PDE4B: variants seen among roughly 807,000 people sequenced by gnomAD.
The protein encoded by PDE4B is phosphodiesterase 4B, also known as 3',5'-cyclic-AMP phosphodiesterase 4B.
PDE4B carries 20 observed loss-of-function variants against 82.2 expected under a neutral mutation model. The ratio of observed to expected loss-of-function variants is 0.24; its 90% CI spans 0.17 to 0.35. PDE4B has a LOEUF of 0.35. PDE4B is among the 10% of genes least tolerant of loss of function. The pLI, the probability that PDE4B is intolerant of heterozygous loss-of-function variation, is 1.00. For synonymous variants in PDE4B, 320 were observed against 318.9 expected, an observed-to-expected ratio of 1.00 and a Z score of -0.04; for missense variants, 655 against 907.2, an observed-to-expected ratio of 0.72 and a Z score of 3.57.
At chr1:66,315,498 C>T (rs1405124872) in intron 7 of PDE4B, among the ~76,000 whole-genome samples, 1 of 152,184 alleles carries the variant, frequency 6.6e-6, no homozygotes, top group African/African-American at 2.4e-5. Flanking sequence ...CTCTGTCACC[C>T]AGGCTGGAGT....
At chr1:65,924,220 G>A (rs987101764) in intron 3 of PDE4B, among the ~76,000 whole-genome samples, 2 of 143,828 alleles carry the variant, frequency 1.4e-5, no homozygotes, top group Admixed American at 1.4e-4. Context: ...GACTACAGGC[G>A]CCCGCCACTA....
intron 8 of PDE4B, among the ~76,000 whole-genome samples, chr1:66,337,247 C>A (rs1402209207): frequency 6.6e-6 from 1 of 152,166 alleles, no homozygotes; most frequent in African/African-American, 2.4e-5. Context: ...AATCAGAGGG[C>A]CTTAGCCTGG....
At chr1:66,107,245 G>A (rs1206710127) in intron 3 of PDE4B, among the ~76,000 whole-genome samples, 1 of 152,044 alleles carries the variant, frequency 6.6e-6, no homozygotes, top group Non-Finnish European at 1.5e-5. Context: ...TAGTTGAGCG[G>A]TTTTGAGTGA....
chr1:66,021,378 T>A (rs1653097743), intron 3 of PDE4B, among the ~76,000 whole-genome samples: 1 of 152,248 alleles, frequency 6.6e-6, no homozygotes, highest in Non-Finnish European at 1.5e-5. Flanking sequence ...GTTTTAGTCA[T>A]GAAGTCCTTG....
chr1:65,796,571 T>G (rs567980008), intron 1 of PDE4B, among the ~76,000 whole-genome samples: 1 of 152,230 alleles, frequency 6.6e-6, no homozygotes, highest in Admixed American at 6.5e-5. Context: ...TGGTTCTTTT[T>G]GCAGCTTATG....
intron 3 of PDE4B, among the ~76,000 whole-genome samples, chr1:66,198,831 A>G (rs55821051): frequency 0.029 from 4,379 of 151,554 alleles, 208 homozygotes; most frequent in African/African-American, 0.1. Context: ...TCGTTGTTCA[A>G]TTCCCACCTA....
intron 1 of PDE4B, among the ~76,000 whole-genome samples, chr1:65,797,162 G>A (rs1428474301): frequency 6.6e-6 from 1 of 151,700 alleles, no homozygotes; most frequent in East Asian, 1.9e-4. Context: ...CACCATGTTA[G>A]CCAGGATGGT....
At chr1:65,944,609 A>G (rs1350166268) in intron 3 of PDE4B, among the ~76,000 whole-genome samples, 1 of 152,048 alleles carries the variant, frequency 6.6e-6, no homozygotes, top group Non-Finnish European at 1.5e-5. Context: ...TGAGAAAAGG[A>G]CAACATTTGA....
intron 3 of PDE4B, among the ~76,000 whole-genome samples, chr1:66,185,603 A>T (rs1557617095): frequency 6.6e-6 from 1 of 151,988 alleles, no homozygotes; most frequent in Non-Finnish European, 1.5e-5. Context: ...GATGATGAGC[A>T]TTTTTTCATG....
intron 3 of PDE4B, among the ~76,000 whole-genome samples, chr1:66,048,262 C>T (rs1394679353): frequency 6.6e-6 from 1 of 151,852 alleles, no homozygotes; most frequent in African/African-American, 2.4e-5. Context: ...TTTCCTTTTG[C>T]ACCACCCCCA....
At chr1:66,367,647 C>A in intron 13 of PDE4B, 49 bp from the exon 14 acceptor site, 1 of 1,477,598 alleles carries the variant, frequency 6.8e-7, no homozygotes, top group Non-Finnish European at 9.3e-7. Context: ...TGCCAACATT[C>A]AAATCATATC....
intron 1 of PDE4B, among the ~76,000 whole-genome samples, chr1:65,889,770 C>A (rs1190179052): frequency 6.6e-6 from 1 of 152,058 alleles, no homozygotes; most frequent in African/African-American, 2.4e-5. Context: ...CTACATTGTA[C>A]CTTTGCTAAC....
chr1:66,190,198 T>G (rs1310744499), intron 3 of PDE4B, among the ~76,000 whole-genome samples: 1 of 152,170 alleles, frequency 6.6e-6, no homozygotes, highest in Non-Finnish European at 1.5e-5. Flanking sequence ...TCTGGAAGTT[T>G]TGTCTCAGAG....
intron 3 of PDE4B, among the ~76,000 whole-genome samples, chr1:66,228,641 AAAC>A (rs1165115060): frequency 1.2e-4 from 18 of 151,682 alleles, no homozygotes; most frequent in African/African-American, 2.4e-4. Flanking sequence ...AAAAAAAAAA[AAAC>A]ATGCTATAGT....
intron 1 of PDE4B, among the ~76,000 whole-genome samples, chr1:65,898,223 T>C (rs538958516): frequency 2.5e-4 from 38 of 152,166 alleles, no homozygotes; most frequent in African/African-American, 8.4e-4. Context: ...AGATTCTGGA[T>C]ATTATACCTT....
chr1:66,172,673 GT>G (rs1418501195), intron 3 of PDE4B, among the ~76,000 whole-genome samples: 1 of 152,144 alleles, frequency 6.6e-6, no homozygotes, highest in African/African-American at 2.4e-5. Flanking sequence ...GCTCATCATA[GT>G]TTTTGTTTGC....
intron 3 of PDE4B, among the ~76,000 whole-genome samples, chr1:66,233,013 G>C (rs1033453954): frequency 6.6e-6 from 1 of 152,072 alleles, no homozygotes; most frequent in Non-Finnish European, 1.5e-5. Flanking sequence ...TGCCAAAAAT[G>C]CACTTCTTAA....
intron 4 of PDE4B, among the ~76,000 whole-genome samples, chr1:66,249,469 G>C (rs376375559): frequency 6.6e-6 from 1 of 152,160 alleles, no homozygotes; most frequent in Admixed American, 6.5e-5. Flanking sequence ...TGCACTTCCA[G>C]ATTAAATCTT....
intron 7 of PDE4B, among the ~76,000 whole-genome samples, chr1:66,303,138 C>A (rs1658019912): frequency 6.6e-6 from 1 of 152,140 alleles, no homozygotes; most frequent in South Asian, 2.1e-4. Context: ...ACCACAACAC[C>A]TTGAACAGTA....
Sources: allele counts gnomAD v4.1 joint callset (sites outside exome capture counted in the v4.1 genomes callset), GRCh38; gene constraint gnomAD v4.1.1; transcripts MANE v1.5; gene names NCBI Gene and HGNC (gene_info 2026-07-23, HGNC 2026-07-21).